The following MBD5 variants were observed in gnomAD, a reference collection of about 807,000 sequenced individuals.
The protein encoded by MBD5 is methyl-CpG-binding domain protein 5.
Under a neutral mutation model 117.3 loss-of-function variants are expected in MBD5, and 13 were observed. The ratio of observed to expected loss-of-function variants is 0.11; its 90% CI spans 0.07 to 0.18. MBD5 has a LOEUF of 0.18. Ranked by LOEUF, MBD5 falls within the 10% of genes least tolerant of loss-of-function variation. The pLI is 1.00. For missense variants in MBD5, 1,879 were observed against 2,093.8 expected (o/e 0.90, Z 2.00); for synonymous variants, 727 against 766.4 (o/e 0.95, Z 0.85).
chr2:148,022,691 G>A (rs541441434), intron 1 of MBD5, among the ~76,000 whole-genome samples: 1 of 152,066 alleles, frequency 6.6e-6, no homozygotes, highest in South Asian at 2.1e-4. Context: ...TTCTCTTGGG[G>A]TTCTGAACCA....
At chr2:148,163,452 G>A (rs969807107) in intron 1 of MBD5, among the ~76,000 whole-genome samples, 3 of 151,646 alleles carry the variant, frequency 2.0e-5, no homozygotes, top group Non-Finnish European at 4.4e-5. Context: ...ACGGAGTTTC[G>A]CTCTTGTTGC....
rs772393394 is a variant in MBD5 at position 148,468,607 on chromosome 2, C to T, written c.664C>T (p.Pro222Ser). The change falls in exon 8 of 14, where the codon CCC becomes TCC. Residue 222 changes from proline (P) to serine (S), a missense_variant. By Grantham distance (74) the Pro-to-Ser change is moderately conservative (BLOSUM62 -1). Around this residue, in one of 4 missense-constraint regions of MBD5, gnomAD observed 1,666 missense variants for 1,792.2 expected, o/e 0.93. Transcript: ENST00000642680. ...ATTCCGTGGCAGCCATGGAGGCCTGCCCAGCCCAGCGTCATCAGGTTCCCA... is the reference window on the plus strand; with the variant it reads ...ATTCCGTGGCAGCCATGGAGGCCTGTCCAGCCCAGCGTCATCAGGTTCCCA... Reference protein sequence around the residue: ...SPFRGSHGGLPSPASSGSQIY... With the variant: ...SPFRGSHGGLSSPASSGSQIY... The T allele has an allele frequency of 3.1e-6, 5 of 1,613,776 alleles. No individual in the cohort carries two copies. Among genetic ancestry groups the T allele is most frequent in the Non-Finnish European group, 3.4e-6 (4 of 1,179,896 alleles).
At chr2:148,336,646 C>T (rs1172641989) in intron 3 of MBD5, among the ~76,000 whole-genome samples, 3 of 152,158 alleles carry the variant, frequency 2.0e-5, no homozygotes, top group Non-Finnish European at 2.9e-5. Flanking sequence ...CTCAGCCTTC[C>T]AAAGTGCTGG....
chr2:148,221,324 T>C (rs1186307828), intron 2 of MBD5, among the ~76,000 whole-genome samples: 2 of 152,126 alleles, frequency 1.3e-5, no homozygotes, highest in Admixed American at 6.6e-5. Context: ...GCTCTATTTT[T>C]AGTTTTGAGG....
chr2:148,053,408 A>G (rs1487931133), intron 1 of MBD5, among the ~76,000 whole-genome samples: 2 of 152,136 alleles, frequency 1.3e-5, no homozygotes, highest in Non-Finnish European at 2.9e-5. Context: ...AAGCTTAATA[A>G]TAAAATAAAT....
intron 4 of MBD5, among the ~76,000 whole-genome samples, chr2:148,394,743 C>T (rs774602834): frequency 1.3e-5 from 2 of 151,532 alleles, no homozygotes; most frequent in Non-Finnish European, 2.9e-5. Context: ...TTTATTATTT[C>T]CTTCCTTGTT....
chr2:148,208,102 G>C (rs2105993243), intron 2 of MBD5, among the ~76,000 whole-genome samples: 1 of 152,262 alleles, frequency 6.6e-6, no homozygotes, highest in East Asian at 1.9e-4. Flanking sequence ...TCCAGCTTCT[G>C]CTGGATGCTG....
intron 7 of MBD5, among the ~76,000 whole-genome samples, chr2:148,466,445 C>T (rs1707261162): frequency 6.6e-6 from 1 of 151,966 alleles, no homozygotes; most frequent in Admixed American, 6.6e-5. Context: ...ATAAAAATTC[C>T]AGTGTCTGTA....
intron 2 of MBD5, chr2:148,196,384 T>C (rs1259803961): frequency 2.0e-5 from 3 of 152,132 alleles, no homozygotes; most frequent in Non-Finnish European, 2.9e-5. Context: ...TTTGTGCCAC[T>C]ACTAAAAAAA....
intron 4 of MBD5, among the ~76,000 whole-genome samples, chr2:148,403,746 A>G (rs1181660866): frequency 6.6e-6 from 1 of 151,856 alleles, no homozygotes; most frequent in Non-Finnish European, 1.5e-5. Flanking sequence ...ACCTGCACTC[A>G]TATCTGTATG....
At chr2:148,266,308 A>G (rs1700859142) in intron 3 of MBD5, among the ~76,000 whole-genome samples, 1 of 152,136 alleles carries the variant, frequency 6.6e-6, no homozygotes, top group African/African-American at 2.4e-5. Context: ...TGGTCATCCC[A>G]ATAGATACAT....
At chr2:148,192,507 C>A (rs201917101) in intron 2 of MBD5, among the ~76,000 whole-genome samples, 3,445 of 8,214 alleles carry the variant, frequency 0.42, 913 homozygotes, top group South Asian at 0.51. Flanking sequence ...AAGACAAAAA[C>A]CACATGATTA....
intron 8 of MBD5, among the ~76,000 whole-genome samples, chr2:148,474,039 C>A (rs1053967816): frequency 6.6e-6 from 1 of 152,138 alleles, no homozygotes; most frequent in African/African-American, 2.4e-5. Context: ...GTTCCCAATT[C>A]TCAGTCCAAA....
chr2:148,483,218 G>A lies in MBD5; in HGVS notation c.2627G>A (p.Gly876Glu), dbSNP rs766460176. The change falls in exon 9 of 14, where the codon GGA (glycine) becomes GAA (glutamate). Residue 876 changes from glycine to glutamate, a missense_variant. Around this residue, in one of 4 missense-constraint regions of MBD5, gnomAD observed 1,666 missense variants for 1,792.2 expected, o/e 0.93. Coordinates refer to ENST00000642680, the MANE Select transcript of MBD5 (RefSeq NM_001378120.1). The stretch of plus-strand genomic sequence containing the variant: ...GGCGTCATAGTCACCACTGCAGCTG[G>A]AAACCCACTGCAGAGTCAGCTACCC... ...QDGVIVTTAAGNPLQSQLPIG... is the reference protein window; with the variant it reads ...QDGVIVTTAAENPLQSQLPIG... The A allele has an allele frequency of 8.1e-6, 13 of 1,613,902 alleles. No individual in the cohort carries two copies. Among genetic ancestry groups the A allele is most frequent in the Middle Eastern group, 1.7e-4 (1 of 6,060 alleles).
intron 3 of MBD5, among the ~76,000 whole-genome samples, chr2:148,313,034 A>G (rs969849304): frequency 6.6e-6 from 1 of 152,146 alleles, no homozygotes; most frequent in Non-Finnish European, 1.5e-5. Context: ...GGTTCGTCCC[A>G]GAGTGGCACC....
chr2:148,326,082 T>C (rs1006409744), intron 3 of MBD5, among the ~76,000 whole-genome samples: 5 of 152,220 alleles, frequency 3.3e-5, no homozygotes, highest in African/African-American at 1.2e-4. Context: ...TCTGCCTTCA[T>C]TTCGTTATGT....
In MBD5 at chr2:148,054,206, G is replaced by A. The variant is rs1018410743; in HGVS notation, c.-925+32522G>A. 7.9e-5 allele frequency among the ~76,000 whole-genome samples: 12 copies of A among 152,044 alleles called. No individual in the cohort carries two copies. In the South Asian group the frequency reaches 1.5e-3, roughly 18 times the overall value. On this transcript the variant is annotated intron_variant, in intron 1 of 13. Transcript: ENST00000642680. ...ACAGACATGAGCCACTGTGCCCAGCGTGATCCAATGAACTTCTTTGATTAT... is the reference window on the plus strand; with the variant it reads ...ACAGACATGAGCCACTGTGCCCAGCATGATCCAATGAACTTCTTTGATTAT...
chr2:148,045,794 G>T (rs1694508205), intron 1 of MBD5, among the ~76,000 whole-genome samples: 1 of 151,966 alleles, frequency 6.6e-6, no homozygotes, highest in Non-Finnish European at 1.5e-5. Context: ...TTTCTCCATT[G>T]TCTTTATGCT....
chr2:148,162,236 C>T (rs998972102), intron 1 of MBD5, among the ~76,000 whole-genome samples: 4 of 152,298 alleles, frequency 2.6e-5, no homozygotes, highest in Non-Finnish European at 4.4e-5. Flanking sequence ...CTTCAGTTGG[C>T]GCCTGTGATT....
Sources: allele counts gnomAD v4.1 joint callset (sites outside exome capture counted in the v4.1 genomes callset), GRCh38; gene constraint gnomAD v4.1.1; regional missense constraint gnomAD v4.1.1; transcripts MANE v1.5; gene names NCBI Gene and HGNC (gene_info 2026-07-23, HGNC 2026-07-21).